Variants in ACTR3C observed in about 807,000 individuals in gnomAD.
ACTR3C encodes the protein actin-related protein 3C.
In ACTR3C, 18 loss-of-function variants were observed where a neutral mutation model predicts 26.3. The ratio of observed to expected loss-of-function variants is 0.68; its 90% CI spans 0.47 to 1.01. The LOEUF (loss-of-function observed/expected upper bound fraction) is 1.01. ACTR3C is among the 50% of genes least tolerant of loss of function. The pLI is 0.00. For missense variants in ACTR3C, 184 were observed against 250.7 expected (o/e 0.73, Z 1.80); for synonymous variants, 55 against 94.5 (o/e 0.58, Z 2.42).
At chr7:150,181,461 C>A in the ACTR3C span, among the ~76,000 whole-genome samples, 1 of 150,638 alleles carries the variant, frequency 6.6e-6, no homozygotes, top group African/African-American at 2.5e-5. Context: ...GTAGCACACA[C>A]ACCAGTAGTC....
chr7:150,251,045 T>C (rs1402518929), intron 6 of ACTR3C, among the ~76,000 whole-genome samples: 1 of 152,166 alleles, frequency 6.6e-6, no homozygotes, highest in Non-Finnish European at 1.5e-5. Context: ...GGCCTCTCTA[T>C]TTTTTGCTGG....
At chr7:149,929,268 A>G in the ACTR3C span, among the ~76,000 whole-genome samples, 2 of 151,818 alleles carry the variant, frequency 1.3e-5, no homozygotes, top group Non-Finnish European at 2.9e-5. Flanking sequence ...CTCTACCAAA[A>G]ATACAAAAAG....
the ACTR3C span, among the ~76,000 whole-genome samples, chr7:150,208,848 T>C: frequency 1.3e-5 from 2 of 152,196 alleles, no homozygotes; most frequent in African/African-American, 4.8e-5. Flanking sequence ...CCAGAGCTGA[T>C]GCAACTTTTA....
chr7:150,252,134 G>GTGTGTGTGTGTGCA (rs1446027828), intron 6 of ACTR3C, among the ~76,000 whole-genome samples: 1 of 151,916 alleles, frequency 6.6e-6, no homozygotes, highest in East Asian at 1.9e-4. Flanking sequence ...CTGTGTGTGT[G>GTGTGTGTGTGTGCA]TGTGTGTGTG....
chr7:150,286,320 T>G (rs1263110427), intron 5 of ACTR3C, 47 bp downstream of exon 5: 3 of 1,592,582 alleles, frequency 1.9e-6, no homozygotes, highest in African/African-American at 2.7e-5. Context: ...TGGGTGGCAG[T>G]ATCGCTCCAT....
At chr7:149,913,328 A>G in the ACTR3C span, among the ~76,000 whole-genome samples, 2 of 152,210 alleles carry the variant, frequency 1.3e-5, no homozygotes, top group South Asian at 2.1e-4. Context: ...TATTTCAACC[A>G]GTTTACTAGC....
the ACTR3C span, among the ~76,000 whole-genome samples, chr7:149,903,249 C>G: frequency 9.1e-3 from 1,321 of 145,578 alleles, 19 homozygotes; most frequent in African/African-American, 0.031. Flanking sequence ...GCCAACACAG[C>G]AAGACCAAGA....
chr7:149,899,901 CAA>C, the ACTR3C span, among the ~76,000 whole-genome samples: 1,261 of 121,280 alleles, frequency 0.01, 39 homozygotes, highest in African/African-American at 0.036. Context: ...AACTAAAGAC[CAA>C]AAAAAAAAAA....
chr7:150,042,528 C>G, the ACTR3C span, among the ~76,000 whole-genome samples: 1 of 149,120 alleles, frequency 6.7e-6, no homozygotes, highest in Non-Finnish European at 1.5e-5. Flanking sequence ...CGATAGTGGT[C>G]CCAAGAGCCA....
chr7:150,163,353 T>TGG, the ACTR3C span, among the ~76,000 whole-genome samples: 2 of 132,656 alleles, frequency 1.5e-5, no homozygotes, highest in Non-Finnish European at 3.1e-5. Context: ...CATATATCCT[T>TGG]GTGTGTGTGT....
the ACTR3C span, among the ~76,000 whole-genome samples, chr7:150,197,278 G>T: frequency 6.6e-6 from 1 of 152,182 alleles, no homozygotes; most frequent in Non-Finnish European, 1.5e-5. Flanking sequence ...CATAGAAGCA[G>T]CCCCCAGGGA....
At chr7:149,962,825 T>C in the ACTR3C span, among the ~76,000 whole-genome samples, 1 of 152,192 alleles carries the variant, frequency 6.6e-6, no homozygotes, top group Non-Finnish European at 1.5e-5. Context: ...CCCTGGGTGC[T>C]ATCCAGAAAC....
At chr7:150,142,517 AT>A in the ACTR3C span, among the ~76,000 whole-genome samples, 3 of 152,006 alleles carry the variant, frequency 2.0e-5, no homozygotes, top group Non-Finnish European at 4.4e-5. Context: ...TTTGTGGTCT[AT>A]TTGCTTGTTT....
chr7:150,003,359 G>GTGTGGTATGTGC, the ACTR3C span, among the ~76,000 whole-genome samples: 6 of 152,282 alleles, frequency 3.9e-5, no homozygotes, highest in African/African-American at 1.4e-4. Flanking sequence ...GTGGTATGTG[G>GTGTGGTATGTGC]TGTGTGCTGT....
chr7:149,969,308 T>C, the ACTR3C span, among the ~76,000 whole-genome samples: 2 of 132,082 alleles, frequency 1.5e-5, no homozygotes, highest in Admixed American at 7.8e-5. Context: ...TGTGTGTGTG[T>C]GTGTGTGTGT....
At position 150,287,631 on chromosome 7, in the gene ACTR3C, G is replaced by A. The variant is rs1187339562; in HGVS notation, c.298-1091C>T. On this transcript the variant is annotated intron_variant, in intron 4 of 7. Transcript: ENST00000683684. ...GGCTCTCTCAAGGACCTCCAAAGAC[G>A]CTCTCGTGGTATTAAGTTTAAAGTT... 3.9e-5 allele frequency among the ~76,000 whole-genome samples: 6 copies of A among 152,252 alleles called. No individual in the cohort carries two copies. The East Asian group carries it at 7.7e-4, about 20-fold the overall frequency.
At chr7:150,041,642 C>T in the ACTR3C span, among the ~76,000 whole-genome samples, 58 of 112,926 alleles carry the variant, frequency 5.1e-4, 1 homozygote, top group Non-Finnish European at 8.2e-4. Flanking sequence ...GTGCCTCCCC[C>T]CCCCTGCGAT....
At chr7:150,258,123 A>T (rs1434672898) in intron 6 of ACTR3C, among the ~76,000 whole-genome samples, 2 of 152,060 alleles carry the variant, frequency 1.3e-5, no homozygotes, top group Non-Finnish European at 2.9e-5. Context: ...TAGGAAAAAA[A>T]GTTAGAACGG....
At chr7:150,199,920 G>A in the ACTR3C span, among the ~76,000 whole-genome samples, 1 of 152,074 alleles carries the variant, frequency 6.6e-6, no homozygotes, top group Non-Finnish European at 1.5e-5. Flanking sequence ...GGTACGGGAA[G>A]TAAGCTATAA....
Sources: allele counts gnomAD v4.1 joint callset (sites outside exome capture counted in the v4.1 genomes callset), GRCh38; gene constraint gnomAD v4.1.1; transcripts MANE v1.5; gene names NCBI Gene and HGNC (gene_info 2026-07-23, HGNC 2026-07-21).